LRRC4C: variants seen among roughly 807,000 people sequenced by gnomAD.
LRRC4C encodes leucine-rich repeat-containing protein 4C.
Under a neutral mutation model 33.6 loss-of-function variants are expected in LRRC4C, and 5 were observed. The ratio of observed to expected loss-of-function variants is 0.15; its 90% CI spans 0.08 to 0.31. LRRC4C has a LOEUF of 0.31. Ranked by LOEUF, LRRC4C falls within the 10% of genes least tolerant of loss-of-function variation. The pLI, the probability that LRRC4C is intolerant of heterozygous loss-of-function variation, is 1.00. For missense variants in LRRC4C, 560 were observed against 796.7 expected, an observed-to-expected ratio of 0.70 and a Z score of 3.58; for synonymous variants, 329 against 302.0, an observed-to-expected ratio of 1.09 and a Z score of -0.93.
intron 6 of LRRC4C, among the ~76,000 whole-genome samples, chr11:40,131,271 A>C (rs1019839408): frequency 1.3e-5 from 2 of 152,202 alleles, no homozygotes; most frequent in Non-Finnish European, 2.9e-5. Flanking sequence ...TATAAAACTT[A>C]GTTTAAATGG....
intron 1 of LRRC4C, among the ~76,000 whole-genome samples, chr11:41,051,038 C>T (rs1858166368): frequency 6.6e-6 from 1 of 152,110 alleles, no homozygotes; most frequent in African/African-American, 2.4e-5. Context: ...TCTAGGGCTT[C>T]TATCAGCTCA....
At chr11:40,411,425 T>C (rs2137643068) in intron 3 of LRRC4C, among the ~76,000 whole-genome samples, 1 of 152,228 alleles carries the variant, frequency 6.6e-6, no homozygotes, top group South Asian at 2.1e-4. Context: ...CTCCATTTGG[T>C]GTTTTAGATA....
At chr11:40,987,126 T>C (rs1853072978) in intron 1 of LRRC4C, among the ~76,000 whole-genome samples, 1 of 152,168 alleles carries the variant, frequency 6.6e-6, no homozygotes, top group Admixed American at 6.5e-5. Context: ...TTAGAAGACA[T>C]TCGGTATTCC....
At chr11:41,172,226 T>C (rs1945006525) in intron 1 of LRRC4C, among the ~76,000 whole-genome samples, 1 of 152,120 alleles carries the variant, frequency 6.6e-6, no homozygotes, top group Non-Finnish European at 1.5e-5. Flanking sequence ...ACATTCTTAA[T>C]CAATAAAGTC....
chr11:41,369,190 T>G (rs1307727535), intron 1 of LRRC4C, among the ~76,000 whole-genome samples: 2 of 152,178 alleles, frequency 1.3e-5, no homozygotes, highest in Non-Finnish European at 2.9e-5. Flanking sequence ...GATAAATACA[T>G]ATGCACAAAG....
chr11:40,718,183 C>A (rs1002905938), intron 2 of LRRC4C, among the ~76,000 whole-genome samples: 1 of 152,090 alleles, frequency 6.6e-6, no homozygotes, highest in African/African-American at 2.4e-5. Flanking sequence ...GGGCAGTGGC[C>A]GTCAGTCATG....
chr11:41,409,159 C>A (rs76346796), intron 1 of LRRC4C, among the ~76,000 whole-genome samples: 1,654 of 152,240 alleles, frequency 0.011, 17 homozygotes, highest in Non-Finnish European at 0.017. Flanking sequence ...TATTCAGGGG[C>A]AACCTCTTGG....
intron 1 of LRRC4C, among the ~76,000 whole-genome samples, chr11:41,347,890 C>T (rs1591321135): frequency 2.0e-5 from 3 of 152,092 alleles, no homozygotes; most frequent in African/African-American, 7.2e-5. Context: ...ACCACCGGTA[C>T]TAATTATTTA....
At chr11:40,949,091 T>G (rs996029087) in intron 1 of LRRC4C, among the ~76,000 whole-genome samples, 17 of 151,692 alleles carry the variant, frequency 1.1e-4, no homozygotes, top group African/African-American at 3.9e-4. Flanking sequence ...CTCATTGTGG[T>G]TTTGATTTGC....
intron 3 of LRRC4C, among the ~76,000 whole-genome samples, chr11:40,321,396 G>A (rs537372396): frequency 6.6e-6 from 1 of 152,260 alleles, no homozygotes; most frequent in South Asian, 2.1e-4. Flanking sequence ...ACTAATTTAA[G>A]CTTGCATTAT....
chr11:40,608,143 T>C (rs1310440867), intron 3 of LRRC4C, among the ~76,000 whole-genome samples: 1 of 152,110 alleles, frequency 6.6e-6, no homozygotes, highest in Non-Finnish European at 1.5e-5. Flanking sequence ...AACTTTTAAT[T>C]TGGGTATAGG....
intron 1 of LRRC4C, among the ~76,000 whole-genome samples, chr11:41,167,481 C>T (rs1173994313): frequency 4.6e-5 from 7 of 152,112 alleles, no homozygotes; most frequent in Admixed American, 4.6e-4. Context: ...TAGTCTACCA[C>T]CTAATTCATA....
At chr11:41,087,015 T>A (rs1018531613) in intron 1 of LRRC4C, among the ~76,000 whole-genome samples, 1 of 152,070 alleles carries the variant, frequency 6.6e-6, no homozygotes, top group Non-Finnish European at 1.5e-5. Flanking sequence ...TCTTCATTAG[T>A]CTGCCATTCC....
chr11:41,334,343 T>G (rs1166025928), intron 1 of LRRC4C, among the ~76,000 whole-genome samples: 1 of 152,180 alleles, frequency 6.6e-6, no homozygotes, highest in Non-Finnish European at 1.5e-5. Context: ...CAGTCAGTGT[T>G]TTTTCATTCC....
intron 1 of LRRC4C, among the ~76,000 whole-genome samples, chr11:40,938,958 A>C (rs558823894): frequency 6.6e-5 from 10 of 152,302 alleles, no homozygotes; most frequent in African/African-American, 2.4e-4. Context: ...GCTGGGACAA[A>C]CAGAGAAAAT....
chr11:40,634,029 A>C (rs1963740325), intron 3 of LRRC4C, among the ~76,000 whole-genome samples: 2 of 152,214 alleles, frequency 1.3e-5, no homozygotes, highest in South Asian at 4.1e-4. Context: ...TGGGCAGGGT[A>C]TATTGACAGG....
chr11:41,020,358 T>G (rs1305167365), intron 1 of LRRC4C, among the ~76,000 whole-genome samples: 2 of 152,168 alleles, frequency 1.3e-5, no homozygotes, highest in Non-Finnish European at 2.9e-5. Flanking sequence ...TTTGTGCATA[T>G]GATCGTCTGT....
Position 40,851,856 on chromosome 11 carries a change from C to T in LRRC4C, c.-407+81779G>A, listed in dbSNP as rs760253439. On this transcript the variant is annotated intron_variant, in intron 2 of 6. Coordinates refer to ENST00000528697, the MANE Select transcript of LRRC4C (RefSeq NM_001258419.2). ...CCAGCATCTGTCTTTAGGACCCTGG[C>T]GATCCCACGTTGACAGCCACACTTG... Among the ~76,000 whole-genome samples, 12 of 152,134 alleles carry T rather than the reference C, an allele frequency of 7.9e-5. 1 individual carries two copies. Among genetic ancestry groups the T allele is most frequent in the Admixed American group, 3.9e-4 (6 of 15,276 alleles).
intron 2 of LRRC4C, among the ~76,000 whole-genome samples, chr11:40,720,267 T>C (rs1946947421): frequency 6.6e-6 from 1 of 152,210 alleles, no homozygotes; most frequent in Non-Finnish European, 1.5e-5. Context: ...CTCCATTTGG[T>C]CCTTTCAAAT....
Sources: allele counts gnomAD v4.1 joint callset (sites outside exome capture counted in the v4.1 genomes callset), GRCh38; gene constraint gnomAD v4.1.1; transcripts MANE v1.5; gene names NCBI Gene and HGNC (gene_info 2026-07-23, HGNC 2026-07-21).